Variants in TMEM272 observed in about 807,000 individuals in gnomAD.
TMEM272 encodes transmembrane protein 272, also known as long intergenic non-protein coding RNA 282.
In TMEM272, 8 loss-of-function variants were observed where a neutral mutation model predicts 3.7. That is an observed-to-expected ratio of 2.17 (90% CI 1.27 to 3.91). The LOEUF is 3.91. Ranked by LOEUF, TMEM272 falls within the 30% of genes most tolerant of loss-of-function variation. The pLI, the probability that TMEM272 is intolerant of heterozygous loss-of-function variation, is 0.00. For missense variants in TMEM272, 166 were observed against 91.5 expected, an observed-to-expected ratio of 1.81 and a Z score of -3.32; for synonymous variants, 63 against 39.8, an observed-to-expected ratio of 1.58 and a Z score of -2.20.
chr13:51,850,464 T>C, the TMEM272 span, among the ~76,000 whole-genome samples: 17 of 152,340 alleles, frequency 1.1e-4, no homozygotes, highest in African/African-American at 4.1e-4. Flanking sequence ...GCTGGTACAC[T>C]TACATCAATG....
rs940608517 is a variant in TMEM272 at position 51,818,566 on chromosome 13, T to C, written c.202-1453A>G. ...CTGGTGCTGGGCAAAGCGCTTGACA[T>C]ACATTATCTCAATGAATTCTCCCAG... is the stretch of plus-strand genomic sequence containing the variant. On this transcript the variant is annotated intron_variant, in intron 4 of 4. Transcript: ENST00000629372. 3.3e-5 allele frequency among the ~76,000 whole-genome samples: 5 copies of C among 152,266 alleles called. 1 individual carries two copies. The highest frequency in any genetic ancestry group is 3.4e-3 in the Middle Eastern group (1 of 294).
At chr13:51,903,941 A>ATGTG in the TMEM272 span, among the ~76,000 whole-genome samples, 2 of 9,146 alleles carry the variant, frequency 2.2e-4, no homozygotes, top group Non-Finnish European at 3.2e-4. Flanking sequence ...ACAGTCTTCC[A>ATGTG]CGTGTGTGTG....
the TMEM272 span, among the ~76,000 whole-genome samples, chr13:51,865,151 G>A: frequency 6.6e-6 from 1 of 152,206 alleles, no homozygotes; most frequent in African/African-American, 2.4e-5. Flanking sequence ...TGTACTGACT[G>A]CCTCTCCAGC....
the TMEM272 span, among the ~76,000 whole-genome samples, chr13:51,926,675 A>G: frequency 2.6e-5 from 4 of 150,980 alleles, no homozygotes; most frequent in African/African-American, 7.3e-5. Context: ...ATGTGCGCGC[A>G]CGCACACGCA....
At chr13:51,881,581 A>G in the TMEM272 span, among the ~76,000 whole-genome samples, 6 of 152,292 alleles carry the variant, frequency 3.9e-5, no homozygotes, top group East Asian at 9.7e-4. Flanking sequence ...CACAAAACTC[A>G]TAGGTTGAAA....
the TMEM272 span, among the ~76,000 whole-genome samples, chr13:51,890,288 G>T: frequency 6.6e-6 from 1 of 152,126 alleles, no homozygotes; most frequent in Non-Finnish European, 1.5e-5. Context: ...GCATCATGAG[G>T]GTGGATCCCT....
chr13:51,923,419 T>C, the TMEM272 span, among the ~76,000 whole-genome samples: 1 of 152,120 alleles, frequency 6.6e-6, no homozygotes, highest in South Asian at 2.1e-4. Flanking sequence ...AATGGGTGGC[T>C]TGTTAAGGCC....
the TMEM272 span, among the ~76,000 whole-genome samples, chr13:51,895,202 C>A: frequency 2.0e-5 from 3 of 152,138 alleles, no homozygotes; most frequent in Admixed American, 2.0e-4. Flanking sequence ...GGGCTGGGGA[C>A]CCCTGACTTA....
At position 51,813,488 on chromosome 13, in the gene TMEM272, C is replaced by T; in HGVS notation, c.*3263G>A. The T allele has an allele frequency of 2.6e-6, 1 of 381,688 alleles. No homozygotes were observed. Among genetic ancestry groups the T allele is most frequent in the Non-Finnish European group, 4.6e-6 (1 of 216,108 alleles). 23.6% of individuals were successfully genotyped at this position (381,688 alleles called of 1,614,324 possible). A position where few individuals can be genotyped will look rare whatever the true frequency, so the allele number is the denominator to read the frequency against. On this transcript the variant is annotated 3_prime_UTR_variant, in exon 5 of 5. Transcript: ENST00000629372. ...AAAGAGAAGGAAATAACACGAAGTA[C>T]TGGAAGTGACATTATATTGTCCTCA... is the stretch of plus-strand genomic sequence containing the variant.
the TMEM272 span, among the ~76,000 whole-genome samples, chr13:51,917,029 G>A: frequency 6.6e-6 from 1 of 152,162 alleles, no homozygotes; most frequent in African/African-American, 2.4e-5. Context: ...CCCCGTTAAC[G>A]CTAACCTGTG....
At chr13:51,885,166 T>C in the TMEM272 span, among the ~76,000 whole-genome samples, 1 of 152,228 alleles carries the variant, frequency 6.6e-6, no homozygotes, top group Non-Finnish European at 1.5e-5. Flanking sequence ...TTTGTCTCTC[T>C]TGAAAGAGAC....
chr13:51,814,154 G>T lies in TMEM272; in HGVS notation c.*2597C>A, dbSNP rs1373717371. The T allele has an allele frequency of 6.6e-6, 1 of 152,244 alleles. No homozygotes were observed. The highest frequency in any genetic ancestry group is 1.5e-5 in the Non-Finnish European group (1 of 68,068). 9.4% of individuals were successfully genotyped at this position (152,244 alleles called of 1,614,324 possible). ...CTCCAGCTCAGTGAAATTATACTAA[G>T]AGGTGATCACTTAAAGGGCACGCAG... On this transcript the variant is annotated 3_prime_UTR_variant, in exon 5 of 5. Coordinates refer to ENST00000629372, the MANE Select transcript of TMEM272 (RefSeq NM_001351003.2).
the TMEM272 span, among the ~76,000 whole-genome samples, chr13:51,856,429 C>G: frequency 6.6e-6 from 1 of 151,982 alleles, no homozygotes; most frequent in African/African-American, 2.4e-5. Context: ...TTTCATTAGT[C>G]TTACAAAGGG....
chr13:51,883,637 A>T, the TMEM272 span, among the ~76,000 whole-genome samples: 1 of 152,226 alleles, frequency 6.6e-6, no homozygotes, highest in African/African-American at 2.4e-5. Context: ...AGAGAGGGTA[A>T]GACAGGGACT....
At chr13:51,831,463 C>G (rs1363739332) in intron 2 of TMEM272, among the ~76,000 whole-genome samples, 1 of 152,186 alleles carries the variant, frequency 6.6e-6, no homozygotes, top group Non-Finnish European at 1.5e-5. Context: ...TGATCGTAGC[C>G]TGTTTCTGTA....
At chr13:51,897,768 A>T in the TMEM272 span, among the ~76,000 whole-genome samples, 3 of 151,260 alleles carry the variant, frequency 2.0e-5, no homozygotes, top group East Asian at 5.8e-4. Context: ...CTCTACTGAA[A>T]ATACAAAAAT....
the TMEM272 span, among the ~76,000 whole-genome samples, chr13:51,914,585 CTG>C: frequency 6.6e-6 from 1 of 152,240 alleles, no homozygotes; most frequent in Non-Finnish European, 1.5e-5. Flanking sequence ...GGCGATGGAG[CTG>C]TGAGTTCAGC....
chr13:51,894,129 A>G, the TMEM272 span, among the ~76,000 whole-genome samples: 1 of 152,248 alleles, frequency 6.6e-6, no homozygotes, highest in Admixed American at 6.5e-5. Flanking sequence ...TCACAACTTT[A>G]GAGGTTAAAA....
At chr13:51,879,824 G>C in the TMEM272 span, among the ~76,000 whole-genome samples, 2 of 152,326 alleles carry the variant, frequency 1.3e-5, no homozygotes, top group East Asian at 3.9e-4. Flanking sequence ...TGTTCAAAGA[G>C]AGGTTTGCAC....
Sources: allele counts gnomAD v4.1 joint callset (sites outside exome capture counted in the v4.1 genomes callset), GRCh38; gene constraint gnomAD v4.1.1; transcripts MANE v1.5; gene names NCBI Gene and HGNC (gene_info 2026-07-23, HGNC 2026-07-21).